Variants in RSPRY1 observed in about 807,000 individuals in gnomAD.
RSPRY1 encodes RING finger and SPRY domain-containing protein 1.
A neutral mutation model predicts 73.1 loss-of-function variants in RSPRY1; 23 were observed. That is an observed-to-expected ratio of 0.31 (90% confidence interval 0.23 to 0.45). The LOEUF (loss-of-function observed/expected upper bound fraction) is 0.45, where lower values mean the gene tolerates loss of function less well. RSPRY1 is among the 20% of genes least tolerant of loss of function. The probability of loss-of-function intolerance (pLI) is 1.00; values close to 1 mark genes in which losing one functional copy is unlikely to be tolerated. For missense variants in RSPRY1, 448 were observed against 698.7 expected (o/e 0.64, Z 4.05); for synonymous variants, 226 against 251.4 (o/e 0.90, Z 0.95).
At position 57,238,957 on chromosome 16, in the gene RSPRY1, G is replaced by T. The variant is rs2075341298; in HGVS notation, c.1713G>T (p.Gln571His). The change falls in exon 15 of 15, where the codon CAG (glutamine) becomes CAT (histidine). Residue 571 changes from glutamine (Q) to histidine (H), a missense_variant. Transcript: ENST00000394420. ...CRKEIVSRIR[Q>H]ISHIS Reference sequence around the variant, plus strand: ...AAGAAATAGTATCTAGAATCAGACAGATTTCTCATATTTCATGACACATGT... The same window carrying T: ...AAGAAATAGTATCTAGAATCAGACATATTTCTCATATTTCATGACACATGT... 1 of 1,597,746 alleles carries T rather than the reference G, an allele frequency of 6.3e-7. No homozygotes were observed. Among genetic ancestry groups the T allele is most frequent in the South Asian group, 1.1e-5 (1 of 89,298 alleles).
intron 1 of RSPRY1, among the ~76,000 whole-genome samples, chr16:57,202,873 T>TG (rs2074646439): frequency 1.2e-5 from 1 of 83,864 alleles, no homozygotes; most frequent in Admixed American, 1.3e-4. Context: ...TTTTATTACA[T>TG]ATGATTATAT....
chr16:57,198,453 GAA>G (rs2074494177), intron 1 of RSPRY1, among the ~76,000 whole-genome samples: 1 of 152,016 alleles, frequency 6.6e-6, no homozygotes, highest in Non-Finnish European at 1.5e-5. Context: ...AAAACCTTAG[GAA>G]AAAATGATAA....
chr16:57,221,606 G>GC (rs1408452397), intron 10 of RSPRY1, among the ~76,000 whole-genome samples, 191 bp downstream of exon 10: 3 of 152,178 alleles, frequency 2.0e-5, no homozygotes, highest in Non-Finnish European at 2.9e-5. Flanking sequence ...AAGTGAAATT[G>GC]CCCCTCGGCC....
At chr16:57,220,939 C>T (rs2075024936) in intron 9 of RSPRY1, 92 bp downstream of exon 9, 3 of 892,788 alleles carry the variant, frequency 3.4e-6, no homozygotes, top group Admixed American at 2.2e-5. Context: ...GCTGGTGCTT[C>T]CCACTCTCCC....
At chr16:57,206,526 G>T (rs1672505894) in intron 2 of RSPRY1, among the ~76,000 whole-genome samples, 1 of 152,186 alleles carries the variant, frequency 6.6e-6, no homozygotes, top group Admixed American at 6.5e-5. Flanking sequence ...TTGGAAAAAT[G>T]GGTGCAGAAT....
intron 9 of RSPRY1, 42 bp downstream of exon 9, chr16:57,220,889 G>GCTCT: frequency 7.3e-7 from 1 of 1,370,784 alleles, no homozygotes; most frequent in Non-Finnish European, 1.0e-6. Flanking sequence ...GGGGATGAGA[G>GCTCT]GGTAATTATT....
chr16:57,223,148 A>G (rs532076825), intron 10 of RSPRY1, among the ~76,000 whole-genome samples: 1 of 152,216 alleles, frequency 6.6e-6, no homozygotes, highest in Non-Finnish European at 1.5e-5. Context: ...ATGTTGCCAT[A>G]TTTAAAACTT....
intron 11 of RSPRY1, among the ~76,000 whole-genome samples, chr16:57,229,461 T>A (rs574035487): frequency 2.6e-5 from 4 of 151,782 alleles, no homozygotes; most frequent in African/African-American, 9.7e-5. Context: ...TATAAAAAAA[T>A]TTTAAAAATT....
chr16:57,213,785 A>C (rs2074889908), intron 5 of RSPRY1, 103 bp from the exon 6 acceptor site: 12 of 865,990 alleles, frequency 1.4e-5, no homozygotes, highest in Non-Finnish European at 2.3e-5. Context: ...CTTTAATAAG[A>C]TAATGTGCAT....
chr16:57,234,869 T>C (rs2075278167), intron 13 of RSPRY1, among the ~76,000 whole-genome samples: 1 of 152,246 alleles, frequency 6.6e-6, no homozygotes, highest in South Asian at 2.1e-4. Context: ...TTTAATTTGA[T>C]TCCTGACTGC....
At chr16:57,218,947 G>A (rs113498899) in intron 8 of RSPRY1, among the ~76,000 whole-genome samples, 11 of 123,332 alleles carry the variant, frequency 8.9e-5, no homozygotes, top group East Asian at 6.4e-4. Context: ...CGTTTTAGCC[G>A]GGATGGTCTC....
At chr16:57,231,112 A>G in intron 12 of RSPRY1, 55 bp from the exon 13 acceptor site, 3 of 1,532,946 alleles carry the variant, frequency 2.0e-6, no homozygotes, top group African/African-American at 1.4e-5. Flanking sequence ...CTATCTATTA[A>G]CTCTATTTTG....
chr16:57,202,897 T>C (rs1567491999), intron 1 of RSPRY1, among the ~76,000 whole-genome samples: 1 of 147,132 alleles, frequency 6.8e-6, no homozygotes, highest in African/African-American at 2.5e-5. Flanking sequence ...TATATATATA[T>C]ATATATATAT....
At chr16:57,196,547 G>A (rs2074451204) in intron 1 of RSPRY1, among the ~76,000 whole-genome samples, 1 of 152,090 alleles carries the variant, frequency 6.6e-6, no homozygotes, top group Admixed American at 6.5e-5. Flanking sequence ...CTGGCTATTC[G>A]TAGTGGGACC....
intron 14 of RSPRY1, among the ~76,000 whole-genome samples, chr16:57,237,705 A>T (rs1440233165): frequency 4.6e-5 from 7 of 151,498 alleles, no homozygotes; most frequent in African/African-American, 7.3e-5. Flanking sequence ...TTATTTATTT[A>T]TTTTTATTTA....
rs748256592 is a variant in RSPRY1 at position 57,219,464 on chromosome 16, G to A, written c.902-1268G>A. 1.1e-4 allele frequency among the ~76,000 whole-genome samples: 16 copies of A among 152,246 alleles called. 1 individual carries two copies. In the East Asian group the frequency reaches 2.5e-3, roughly 24 times the overall value. On this transcript the variant is annotated intron_variant, in intron 8 of 14. Coordinates refer to ENST00000394420, the MANE Select transcript of RSPRY1 (RefSeq NM_133368.3). ...GTTTGCCATTTGTATGTCTTCCTTT[G>A]AGAAATGTCTATTCGGATGTTTTGC...
chr16:57,193,831 C>T (rs550160686), intron 1 of RSPRY1, among the ~76,000 whole-genome samples: 8 of 152,078 alleles, frequency 5.3e-5, no homozygotes, highest in Admixed American at 2.0e-4. Flanking sequence ...TTTGGGAGGC[C>T]GAGGTGGACA....
intron 10 of RSPRY1, among the ~76,000 whole-genome samples, chr16:57,224,036 T>C (rs79009676): frequency 0.036 from 5,523 of 152,320 alleles, 150 homozygotes; most frequent in Non-Finnish European, 0.05. Flanking sequence ...AGAAAATGAC[T>C]CTGGCTATCT....
intron 4 of RSPRY1, 89 bp downstream of exon 4, chr16:57,209,276 C>T (rs2074788565): frequency 1.2e-6 from 1 of 818,348 alleles, no homozygotes; most frequent in Non-Finnish European, 2.0e-6. Context: ...TATTGTGTTT[C>T]ATCTTTATAC....
Sources: allele counts gnomAD v4.1 joint callset (sites outside exome capture counted in the v4.1 genomes callset), GRCh38; gene constraint gnomAD v4.1.1; transcripts MANE v1.5; gene names NCBI Gene and HGNC (gene_info 2026-07-23, HGNC 2026-07-21).